GNE: variants seen among roughly 807,000 people sequenced by gnomAD.
The protein encoded by GNE is glucosamine (UDP-N-acetyl)-2-epimerase/N-acetylmannosamine kinase.
In GNE, 41 loss-of-function variants were observed where a neutral mutation model predicts 61.8. That is an observed-to-expected ratio of 0.66 (90% CI 0.52 to 0.86). The LOEUF is 0.86. Among genes scored for constraint, GNE ranks in the 40% least tolerant of loss-of-function variants. GNE has a pLI of 0.00. For synonymous variants in GNE, 264 were observed against 326.4 expected, an observed-to-expected ratio of 0.81 and a Z score of 2.06; for missense variants, 608 against 909.1, an observed-to-expected ratio of 0.67 and a Z score of 4.26.
intron 1 of GNE, among the ~76,000 whole-genome samples, chr9:36,249,789 C>A (rs2133128532): frequency 6.6e-6 from 1 of 151,810 alleles, no homozygotes; most frequent in Middle Eastern, 3.4e-3. Flanking sequence ...GAGGTTGAGG[C>A]AGAAGAATGG....
In GNE at chr9:36,270,395, A is replaced by T. The variant is rs569993930; in HGVS notation, c.51+6499T>A. Among the ~76,000 whole-genome samples, 3 of 152,252 alleles carry T rather than the reference A, an allele frequency of 2.0e-5. No homozygotes were observed. In the East Asian group the frequency reaches 5.8e-4, roughly 29 times the overall value. On this transcript the variant is annotated intron_variant, in intron 1 of 11. Coordinates refer to the GNE transcript ENST00000396594. ...AGTTTTTTATTATACAAACTATTAT[A>T]TCAATAGTGTTTTAGAATCAAGAAA... is the stretch of plus-strand genomic sequence containing the variant.
intron 7 of GNE, among the ~76,000 whole-genome samples, chr9:36,224,894 C>T (rs547297556): frequency 6.6e-6 from 1 of 152,272 alleles, no homozygotes; most frequent in East Asian, 1.9e-4. Flanking sequence ...CATTACTGTG[C>T]TTTTTGATAT....
At chr9:36,254,205 A>AAATAAAT (rs1830233917) in intron 1 of GNE, among the ~76,000 whole-genome samples, 1 of 144,764 alleles carries the variant, frequency 6.9e-6, no homozygotes, top group African/African-American at 2.6e-5. Context: ...ACTTTGTCTC[A>AAATAAAT]AAATAAATAA....
At chr9:36,262,059 A>G (rs546045254), upstream of GNE, among the ~76,000 whole-genome samples, 4 of 152,318 alleles carry the variant, frequency 2.6e-5, no homozygotes, top group African/African-American at 9.6e-5. Context: ...AACTTCAAAA[A>G]CAATTTAAAA....
chr9:36,218,323 CA>C lies in GNE; in HGVS notation c.1817-25del. 1.9e-6 allele frequency: 3 copies of C among 1,561,872 alleles called. No individual in the cohort carries two copies. The highest frequency in any genetic ancestry group is 2.6e-6 in the Non-Finnish European group (3 of 1,132,428). ...CTCTGAACAGAGTGAGAAGGAAAAG[CA>C]GTCACTAATGAGCTGTGGGGAGGCC... On this transcript the variant is annotated intron_variant, in intron 10 of 11. Coordinates refer to ENST00000642385, the MANE Select transcript of GNE (RefSeq NM_005476.7). This position sits in a 1 kb window ranked among gnomAD's most constrained non-coding sequence, Gnocchi z 4.1.
intron 1 of GNE, among the ~76,000 whole-genome samples, chr9:36,258,080 C>T (rs1167493047): frequency 1.3e-5 from 2 of 152,166 alleles, no homozygotes; most frequent in African/African-American, 2.4e-5. Flanking sequence ...TCTACATCCC[C>T]TCCCCTGCTC....
At chr9:36,236,331 G>C (rs1346124692) in intron 4 of GNE, among the ~76,000 whole-genome samples, 1 of 152,050 alleles carries the variant, frequency 6.6e-6, no homozygotes, top group Admixed American at 6.6e-5. Context: ...CTCCTGAATA[G>C]CTGGGACTAC....
intron 5 of GNE, among the ~76,000 whole-genome samples, chr9:36,232,363 A>G (rs538201673): frequency 1.0e-3 from 122 of 116,920 alleles, no homozygotes; most frequent in African/African-American, 3.4e-3. Flanking sequence ...TCCATTCTGT[A>G]TATTAGCAAC....
In GNE at chr9:36,271,344, G is replaced by A. The variant is rs191508372; in HGVS notation, c.51+5550C>T. Among the ~76,000 whole-genome samples, 18 of 152,170 alleles carry A rather than the reference G, an allele frequency of 1.2e-4. No homozygotes were observed. The East Asian group carries it at 1.5e-3, about 13-fold the overall frequency. On this transcript the variant is annotated intron_variant, in intron 1 of 11. Coordinates refer to the GNE transcript ENST00000396594. ...TAATCTGTTCCTTCTCTGAATTCCC[G>A]GAGCACTTGTCTTTACTCATCTCAA...
intron 9 of GNE, among the ~76,000 whole-genome samples, 178 bp downstream of exon 9, chr9:36,222,599 G>T (rs1218792608): frequency 6.6e-6 from 1 of 152,134 alleles, no homozygotes; most frequent in Non-Finnish European, 1.5e-5. Context: ...AATTTAGAAG[G>T]CCACAGGCAT....
chr9:36,228,116 C>A (rs1470504261), intron 6 of GNE, among the ~76,000 whole-genome samples: 2 of 150,890 alleles, frequency 1.3e-5, no homozygotes, highest in Admixed American at 1.3e-4. Context: ...TTCAGAACAT[C>A]ATGTTGTACA....
chr9:36,251,402 G>T (rs916089153), intron 1 of GNE, among the ~76,000 whole-genome samples: 1 of 152,124 alleles, frequency 6.6e-6, no homozygotes, highest in Non-Finnish European at 1.5e-5. Flanking sequence ...TTGTTTTATG[G>T]AATTTTTTAA....
chr9:36,245,319 C>A (rs1460624270), intron 3 of GNE, among the ~76,000 whole-genome samples: 1 of 151,734 alleles, frequency 6.6e-6, no homozygotes, highest in Non-Finnish European at 1.5e-5. Flanking sequence ...TAATCCCACA[C>A]CAGAAATAAA....
chr9:36,240,438 T>C (rs1829588836), intron 3 of GNE, among the ~76,000 whole-genome samples: 1 of 152,226 alleles, frequency 6.6e-6, no homozygotes, highest in African/African-American at 2.4e-5. Context: ...TTTAATTCTG[T>C]TTATGTGGTC....
intron 2 of GNE, 136 bp from the exon 3 acceptor site, chr9:36,246,618 T>A: frequency 1.8e-6 from 1 of 548,468 alleles, no homozygotes; most frequent in Non-Finnish European, 3.2e-6. Flanking sequence ...CTTACAAACA[T>A]AAAAAGCATA....
In GNE at chr9:36,245,205, A is replaced by G. The variant is rs145955092; in HGVS notation, c.616+826T>C. Among the ~76,000 whole-genome samples, 1,450 of 152,198 alleles carry G rather than the reference A, an allele frequency of 9.5e-3. 18 individuals carry two copies. The highest frequency in any genetic ancestry group is 0.033 in the African/African-American group (1,356 of 41,522). ...CTTGAACCTGGGAGGTGGAGGTTGC[A>G]GTGAGCCGAGATTGTGCCACTGCAC... On this transcript the variant is annotated intron_variant, in intron 3 of 11. Transcript: ENST00000642385.
chr9:36,272,338 A>C (rs1286577588), intron 1 of GNE, among the ~76,000 whole-genome samples: 2 of 151,892 alleles, frequency 1.3e-5, no homozygotes, highest in African/African-American at 4.8e-5. Context: ...GCTACAGAAG[A>C]TGGCTGGGTG....
chr9:36,241,845 C>G (rs751632055), intron 3 of GNE, among the ~76,000 whole-genome samples: 1 of 151,940 alleles, frequency 6.6e-6, no homozygotes, highest in Non-Finnish European at 1.5e-5. Context: ...ATGAGAAGTT[C>G]CATATTAAGG....
chr9:36,246,082 G>C lies in GNE; in HGVS notation c.565C>G (p.Leu189Val). The C allele has an allele frequency of 6.2e-7, 1 of 1,614,216 alleles. No individual in the cohort carries two copies. Among genetic ancestry groups the C allele is most frequent in the Non-Finnish European group, 8.5e-7 (1 of 1,180,038 alleles). Residue 189 changes from leucine (L) to valine (V), a missense_variant, in exon 3 of 12, where the codon CTT becomes GTT. Physicochemically the swap from Leu to Val is conservative, Grantham distance 32. Transcript: ENST00000642385. Reference protein sequence around the residue: ...LLAGCPSYDKLLSAKNKDYMS... With the variant: ...LLAGCPSYDKVLSAKNKDYMS... ...TAGTCTTTGTTCTTGGCTGAGAGAA[G>C]TTTGTCATAGGAAGGGCAGCCTGCC...
Sources: gnomAD v4.1 joint callset for allele counts (sites outside exome capture counted in the v4.1 genomes callset) on GRCh38, gnomAD v4.1.1 for gene constraint, Gnocchi (gnomAD v3.1) non-coding constraint, MANE v1.5 for transcripts, NCBI Gene and HGNC (gene_info 2026-07-23, HGNC 2026-07-21) for gene names.